The following GALNT13 variants were observed in gnomAD, a reference collection of about 807,000 sequenced individuals.
GALNT13 encodes the protein polypeptide N-acetylgalactosaminyltransferase 13.
Under a neutral mutation model 64.2 loss-of-function variants are expected in GALNT13, and 28 were observed. The observed-to-expected ratio is 0.44, with a 90% CI of 0.32 to 0.60. The LOEUF (loss-of-function observed/expected upper bound fraction) is 0.60. Ranked by LOEUF, GALNT13 falls within the 20% of genes least tolerant of loss-of-function variation. The probability of loss-of-function intolerance (pLI) is 0.05; values close to 1 mark genes in which losing one functional copy is unlikely to be tolerated. For synonymous variants in GALNT13, 214 were observed against 224.6 expected (o/e 0.95, Z 0.42); for missense variants, 577 against 669.8 (o/e 0.86, Z 1.53).
At chr2:154,033,624 C>T (rs533857319) in intron 3 of GALNT13, among the ~76,000 whole-genome samples, 2 of 152,222 alleles carry the variant, frequency 1.3e-5, no homozygotes, top group South Asian at 2.1e-4. Context: ...TACCACTACA[C>T]ACCTATTATT....
chr2:153,645,096 AC>A, the GALNT13 span, among the ~76,000 whole-genome samples: 2 of 152,114 alleles, frequency 1.3e-5, no homozygotes, highest in African/African-American at 4.8e-5. Context: ...CTAATTAAAA[AC>A]ATTCATAAAA....
intron 4 of GALNT13, among the ~76,000 whole-genome samples, chr2:154,201,039 T>C (rs1476529859): frequency 6.6e-6 from 1 of 152,180 alleles, no homozygotes; most frequent in Non-Finnish European, 1.5e-5. Flanking sequence ...TTGAAGTCTC[T>C]TTATATGTAT....
intron 8 of GALNT13, among the ~76,000 whole-genome samples, chr2:154,298,574 ATTGTATATATAAT>A (rs1693122149): frequency 1.7e-5 from 1 of 59,914 alleles, no homozygotes; most frequent in Non-Finnish European, 3.1e-5. Context: ...TTATATATAA[ATTGTATATATAAT>A]TTATATATAC....
the GALNT13 span, among the ~76,000 whole-genome samples, chr2:153,320,019 A>G: frequency 6.6e-6 from 1 of 152,192 alleles, no homozygotes; most frequent in Non-Finnish European, 1.5e-5. Flanking sequence ...TGACTAGACC[A>G]TAAAGTTATC....
chr2:153,887,468 A>G (rs1447906049), intron 1 of GALNT13, among the ~76,000 whole-genome samples: 1 of 151,676 alleles, frequency 6.6e-6, no homozygotes, highest in South Asian at 2.1e-4. Flanking sequence ...GATGGGACTG[A>G]AGCCAAGTGA....
chr2:154,149,148 C>A (rs931595299), intron 4 of GALNT13, among the ~76,000 whole-genome samples: 2 of 152,140 alleles, frequency 1.3e-5, no homozygotes, highest in African/African-American at 2.4e-5. Context: ...CTACATATGG[C>A]TAGCCAGTTT....
At chr2:153,706,686 G>A in the GALNT13 span, among the ~76,000 whole-genome samples, 2 of 151,948 alleles carry the variant, frequency 1.3e-5, no homozygotes, top group Admixed American at 1.3e-4. Flanking sequence ...CCCTTTCTTT[G>A]TTGTCTTCCC....
rs1353916915 is a variant in GALNT13, at chr2:154,298,574, AT to A, written c.976-2833del. Among the ~76,000 whole-genome samples, 148 of 59,904 alleles carry A rather than the reference AT, an allele frequency of 2.5e-3. 11 individuals carry two copies. The highest frequency in any genetic ancestry group is 9.0e-3 in the African/African-American group (144 of 15,972). 39.3% of individuals were successfully genotyped at this position (59,904 alleles called of 152,430 possible). A position where few individuals can be genotyped will look rare whatever the true frequency, so the allele number is the denominator to read the frequency against. ...AATTGTATATATAATTTATATATAA[AT>A]TGTATATATAATTTATATATACAAT... On this transcript the variant is annotated intron_variant, in intron 8 of 12. Transcript: ENST00000392825.
chr2:153,546,437 C>T, the GALNT13 span, among the ~76,000 whole-genome samples: 1 of 152,090 alleles, frequency 6.6e-6, no homozygotes, highest in African/African-American at 2.4e-5. Flanking sequence ...TAGGTGTTTT[C>T]CTACTGAAAT....
At chr2:154,020,431 T>A (rs2105275097) in intron 3 of GALNT13, among the ~76,000 whole-genome samples, 1 of 152,362 alleles carries the variant, frequency 6.6e-6, no homozygotes, top group African/African-American at 2.4e-5. Flanking sequence ...GGTTTTGATT[T>A]GCATTTTTCT....
At chr2:153,912,826 A>G (rs751721804) in intron 2 of GALNT13, among the ~76,000 whole-genome samples, 30 of 152,280 alleles carry the variant, frequency 2.0e-4, no homozygotes, top group East Asian at 9.7e-4. Context: ...CAATACTTGT[A>G]TGCATGGTGC....
the GALNT13 span, among the ~76,000 whole-genome samples, chr2:153,386,320 A>G: frequency 6.6e-6 from 1 of 152,062 alleles, no homozygotes; most frequent in East Asian, 1.9e-4. Flanking sequence ...GGAATGAGCA[A>G]TTTTGAGGGA....
the GALNT13 span, among the ~76,000 whole-genome samples, chr2:153,846,524 GTTAGAT>G: frequency 6.6e-6 from 1 of 152,092 alleles, no homozygotes; most frequent in African/African-American, 2.4e-5. Flanking sequence ...TTTGTAAGAT[GTTAGAT>G]TTAAACTTAA....
the GALNT13 span, among the ~76,000 whole-genome samples, chr2:153,169,813 A>G: frequency 6.6e-6 from 1 of 151,970 alleles, no homozygotes; most frequent in African/African-American, 2.4e-5. Flanking sequence ...CAAAAGTACA[A>G]CCCCTACTGT....
At chr2:153,604,943 T>C in the GALNT13 span, among the ~76,000 whole-genome samples, 1 of 152,086 alleles carries the variant, frequency 6.6e-6, no homozygotes, top group East Asian at 1.9e-4. Flanking sequence ...ATTCAATTGA[T>C]CAGTGAGAAA....
the GALNT13 span, among the ~76,000 whole-genome samples, chr2:153,148,024 T>C: frequency 6.6e-6 from 1 of 151,912 alleles, no homozygotes; most frequent in Non-Finnish European, 1.5e-5. Context: ...AGTGGATAGA[T>C]TCCTATTTTC....
intron 3 of GALNT13, among the ~76,000 whole-genome samples, chr2:153,955,997 A>G (rs977775863): frequency 6.6e-6 from 1 of 152,222 alleles, no homozygotes; most frequent in African/African-American, 2.4e-5. Flanking sequence ...CTGGCAAAAA[A>G]GGTGGGCTAC....
At chr2:153,667,064 CACTT>C in the GALNT13 span, among the ~76,000 whole-genome samples, 5 of 151,956 alleles carry the variant, frequency 3.3e-5, no homozygotes, top group African/African-American at 9.7e-5. Context: ...TTCTTCAACT[CACTT>C]CAGTCAGAAA....
the GALNT13 span, among the ~76,000 whole-genome samples, chr2:153,222,449 A>T: frequency 1.1e-5 from 1 of 93,044 alleles, no homozygotes; most frequent in African/African-American, 4.0e-5. Flanking sequence ...CGGCAGCCTC[A>T]GATTCCACCA....
Sources: gnomAD v4.1 joint callset for allele counts (sites outside exome capture counted in the v4.1 genomes callset) on GRCh38, gnomAD v4.1.1 for gene constraint, MANE v1.5 for transcripts, NCBI Gene and HGNC (gene_info 2026-07-23, HGNC 2026-07-21) for gene names.